GRID2: variants seen among roughly 807,000 people sequenced by gnomAD.
GRID2 encodes the protein glutamate ionotropic receptor delta type subunit 2.
Under a neutral mutation model 114.8 loss-of-function variants are expected in GRID2, and 33 were observed. The observed-to-expected ratio is 0.29, with a 90% confidence interval of 0.22 to 0.38. The LOEUF is 0.38. Among genes scored for constraint, GRID2 ranks in the 10% least tolerant of loss-of-function variants. GRID2 has a pLI of 1.00. For synonymous variants in GRID2, 505 were observed against 449.9 expected, an observed-to-expected ratio of 1.12 and a Z score of -1.55; for missense variants, 1,184 against 1,257.7, an observed-to-expected ratio of 0.94 and a Z score of 0.89.
intron 1 of GRID2, among the ~76,000 whole-genome samples, chr4:92,455,708 C>T (rs907031916): frequency 6.6e-6 from 1 of 151,910 alleles, no homozygotes; most frequent in East Asian, 1.9e-4. Flanking sequence ...CAGTGAGGCA[C>T]GAGAGAGGGG....
chr4:93,708,060 A>T (rs758257066), intron 14 of GRID2, among the ~76,000 whole-genome samples: 1 of 151,978 alleles, frequency 6.6e-6, no homozygotes, highest in Non-Finnish European at 1.5e-5. Flanking sequence ...AAGATACTTG[A>T]TATGATTTCA....
intron 1 of GRID2, among the ~76,000 whole-genome samples, chr4:92,417,606 TA>T (rs1731684693): frequency 6.6e-6 from 1 of 152,268 alleles, no homozygotes; most frequent in East Asian, 1.9e-4. Flanking sequence ...GCACTATATA[TA>T]ATAGTGTTCA....
intron 13 of GRID2, among the ~76,000 whole-genome samples, chr4:93,588,718 C>A (rs13115152): frequency 6.6e-6 from 1 of 152,040 alleles, no homozygotes; most frequent in Non-Finnish European, 1.5e-5. Context: ...TGAGCCCTGC[C>A]CCTTCTCCCA....
In GRID2 at chr4:93,698,776, T is replaced by G. The variant is rs116363507; in HGVS notation, c.2361-70434T>G. Among the ~76,000 whole-genome samples the G allele has an allele frequency of 6.0e-3, 913 of 152,206 alleles. 10 individuals are homozygous for G. Among genetic ancestry groups the G allele is most frequent in the African/African-American group, 0.021 (870 of 41,556 alleles). Reference sequence around the variant, plus strand: ...TCACCACATTATTTAAGGATCACACTTAATAATTTTCCACTAAAAGAATCC... The same window carrying G: ...TCACCACATTATTTAAGGATCACACGTAATAATTTTCCACTAAAAGAATCC... On this transcript the variant is annotated intron_variant, in intron 14 of 15. Coordinates refer to ENST00000282020, the MANE Select transcript of GRID2 (RefSeq NM_001510.4).
At chr4:92,615,518 G>A (rs1158297966) in intron 2 of GRID2, among the ~76,000 whole-genome samples, 1 of 151,598 alleles carries the variant, frequency 6.6e-6, no homozygotes, top group Admixed American at 6.6e-5. Context: ...GTGTTTTAAA[G>A]TGTTTCTCTT....
intron 1 of GRID2, among the ~76,000 whole-genome samples, chr4:92,341,451 T>A (rs1441170413): frequency 1.3e-5 from 2 of 152,102 alleles, no homozygotes; most frequent in Non-Finnish European, 2.9e-5. Context: ...TGAAAAATGA[T>A]GCCACTAAAG....
At chr4:93,256,430 T>A (rs867974935) in intron 8 of GRID2, among the ~76,000 whole-genome samples, 13 of 149,836 alleles carry the variant, frequency 8.7e-5, no homozygotes, top group Admixed American at 1.3e-4. Flanking sequence ...AATTTTTGGT[T>A]TTTTTTTTTG....
intron 8 of GRID2, among the ~76,000 whole-genome samples, chr4:93,256,970 T>C (rs1317395704): frequency 1.3e-5 from 2 of 151,916 alleles, no homozygotes; most frequent in Non-Finnish European, 2.9e-5. Flanking sequence ...GCTGTATAGT[T>C]TTATTAAAGC....
In GRID2 at chr4:92,937,997, T is replaced by A. The variant is rs144603506; in HGVS notation, c.245-146998T>A. ...CTGTGGGTTTTCCACAAATGCCCTT[T>A]ATTATGTTGAGGAAGCTTCTTTTAA... On this transcript the variant is annotated intron_variant, in intron 2 of 15. Transcript: ENST00000282020. Among the ~76,000 whole-genome samples, 686 of 147,042 alleles carry A rather than the reference T, an allele frequency of 4.7e-3. 26 individuals carry two copies. Among genetic ancestry groups the A allele is most frequent in the African/African-American group, 0.016 (658 of 41,328 alleles).
chr4:92,941,285 G>C (rs1298288890), intron 2 of GRID2, among the ~76,000 whole-genome samples: 4 of 152,052 alleles, frequency 2.6e-5, no homozygotes, highest in Non-Finnish European at 4.4e-5. Context: ...CTTCTTCCTG[G>C]TTTAGTCTTG....
chr4:93,161,526 A>G (rs1737683104), intron 4 of GRID2, among the ~76,000 whole-genome samples: 2 of 151,974 alleles, frequency 1.3e-5, no homozygotes, highest in Middle Eastern at 3.4e-3. Context: ...AATAGTTTTT[A>G]AATAATTAGC....
intron 13 of GRID2, among the ~76,000 whole-genome samples, chr4:93,571,728 A>G (rs1434280935): frequency 2.0e-5 from 3 of 152,148 alleles, no homozygotes; most frequent in Non-Finnish European, 4.4e-5. Context: ...ATTTTATGGG[A>G]AAAGTAATGC....
At chr4:93,182,510 A>C (rs1048729585) in intron 4 of GRID2, among the ~76,000 whole-genome samples, 1 of 152,210 alleles carries the variant, frequency 6.6e-6, no homozygotes, top group African/African-American at 2.4e-5. Flanking sequence ...ACTCCTAATT[A>C]ATATTAGATT....
At chr4:93,454,425 T>A (rs1722996680) in intron 10 of GRID2, among the ~76,000 whole-genome samples, 1 of 152,064 alleles carries the variant, frequency 6.6e-6, no homozygotes, top group South Asian at 2.1e-4. Flanking sequence ...TACTTAAACT[T>A]CTAAGGTTTA....
At chr4:93,420,541 A>G (rs939982324) in intron 9 of GRID2, among the ~76,000 whole-genome samples, 16 of 152,034 alleles carry the variant, frequency 1.1e-4, no homozygotes, top group Non-Finnish European at 1.8e-4. Context: ...TTGCTTGTTC[A>G]CTTTTCACTT....
intron 2 of GRID2, among the ~76,000 whole-genome samples, chr4:92,915,481 T>G (rs552592581): frequency 6.6e-6 from 1 of 152,228 alleles, no homozygotes; most frequent in East Asian, 1.9e-4. Context: ...AGCTTTACAA[T>G]ATGAATTTTA....
Position 93,376,548 on chromosome 4 carries a change from A to G in GRID2, c.1246-19059A>G, listed in dbSNP as rs76900185. ...CAATTCAAGATACACATGAACTCATAAAACATAGGTCCTAATTTGAGTAAA... is the reference window on the plus strand; with the variant it reads ...CAATTCAAGATACACATGAACTCATGAAACATAGGTCCTAATTTGAGTAAA... On this transcript the variant is annotated intron_variant, in intron 8 of 15. Transcript: ENST00000282020. Among the ~76,000 whole-genome samples, 1,031 of 152,324 alleles carry G rather than the reference A, an allele frequency of 6.8e-3. 10 individuals are homozygous for G. The highest frequency in any genetic ancestry group is 0.023 in the African/African-American group (955 of 41,582).
chr4:92,525,300 A>G (rs1176789548), intron 1 of GRID2, among the ~76,000 whole-genome samples: 2 of 152,128 alleles, frequency 1.3e-5, no homozygotes, highest in African/African-American at 4.8e-5. Flanking sequence ...AAAAGAGGAC[A>G]TAAGCGTTAG....
intron 11 of GRID2, among the ~76,000 whole-genome samples, chr4:93,463,753 G>T (rs1226543191): frequency 6.6e-6 from 1 of 152,118 alleles, no homozygotes; most frequent in Non-Finnish European, 1.5e-5. Context: ...ATTTTGGGAG[G>T]CCAAGGTGGG....
Sources: allele counts gnomAD v4.1 joint callset (sites outside exome capture counted in the v4.1 genomes callset), GRCh38; gene constraint gnomAD v4.1.1; transcripts MANE v1.5; gene names NCBI Gene and HGNC (gene_info 2026-07-23, HGNC 2026-07-21).